The following CSMD1 variants were observed in gnomAD, a reference collection of about 807,000 sequenced individuals.
The protein encoded by CSMD1 is CUB and sushi domain-containing protein 1.
In CSMD1, 213 loss-of-function variants were observed where a neutral mutation model predicts 417.5. The observed-to-expected ratio is 0.51, with a 90% CI of 0.46 to 0.57. The LOEUF is 0.57. CSMD1 is among the 20% of genes least tolerant of loss of function. The pLI is 0.00. For missense variants in CSMD1, 6,923 were observed against 4,529.7 expected, an observed-to-expected ratio of 1.53 and a Z score of -15.17; for synonymous variants, 2,862 against 1,736.8, an observed-to-expected ratio of 1.65 and a Z score of -16.11.
chr8:4,902,981 A>ATAG (rs1299139127), intron 1 of CSMD1, among the ~76,000 whole-genome samples: 3 of 147,018 alleles, frequency 2.0e-5, no homozygotes, highest in Non-Finnish European at 3.0e-5. Flanking sequence ...AAACTAAATA[A>ATAG]TAATAAATAA....
intron 26 of CSMD1, among the ~76,000 whole-genome samples, chr8:3,260,116 C>G (rs1220844520): frequency 6.6e-6 from 1 of 152,144 alleles, no homozygotes; most frequent in East Asian, 1.9e-4. Context: ...ATGTATATGG[C>G]ATTTCCCTTA....
chr8:3,959,684 G>T (rs1274605205), intron 5 of CSMD1, among the ~76,000 whole-genome samples: 2 of 152,156 alleles, frequency 1.3e-5, no homozygotes, highest in Non-Finnish European at 2.9e-5. Context: ...AGTACAGCAG[G>T]TAAGTTTCTT....
intron 2 of CSMD1, among the ~76,000 whole-genome samples, chr8:4,574,678 C>A (rs182359696): frequency 6.6e-6 from 1 of 152,194 alleles, no homozygotes. Flanking sequence ...GCTATACGCT[C>A]TCTTCCAGAT....
intron 3 of CSMD1, among the ~76,000 whole-genome samples, chr8:4,363,697 C>G (rs989201318): frequency 6.6e-6 from 1 of 152,176 alleles, no homozygotes; most frequent in African/African-American, 2.4e-5. Flanking sequence ...CTGGTTATTT[C>G]ACTTAACAAA....
chr8:3,190,224 A>T (rs943965480), intron 33 of CSMD1, 109 bp from the exon 34 acceptor site: 28 of 769,788 alleles, frequency 3.6e-5, no homozygotes, highest in Admixed American at 9.9e-5. Flanking sequence ...GCAGACAGAG[A>T]ATTTAATAAC....
intron 2 of CSMD1, among the ~76,000 whole-genome samples, chr8:4,454,245 G>A (rs980478025): frequency 3.9e-5 from 6 of 152,070 alleles, no homozygotes; most frequent in Non-Finnish European, 5.9e-5. Context: ...CCTCCTTACA[G>A]TGCTTACCGC....
At chr8:4,477,929 G>C (rs926175069) in intron 2 of CSMD1, among the ~76,000 whole-genome samples, 9 of 152,036 alleles carry the variant, frequency 5.9e-5, no homozygotes, top group African/African-American at 1.9e-4. Flanking sequence ...TTTTTGCCTG[G>C]CGCATGATAG....
intron 2 of CSMD1, among the ~76,000 whole-genome samples, chr8:4,446,696 G>A (rs192743873): frequency 6.0e-5 from 9 of 150,238 alleles, no homozygotes; most frequent in East Asian, 5.8e-4. Flanking sequence ...GCGATTACTC[G>A]TGCCCACCAC....
At chr8:3,478,406 C>G (rs567259219) in intron 11 of CSMD1, among the ~76,000 whole-genome samples, 3 of 152,302 alleles carry the variant, frequency 2.0e-5, no homozygotes, top group African/African-American at 7.2e-5. Flanking sequence ...ATATGGACTG[C>G]CAGTCCTCAT....
chr8:3,963,830 T>C lies in CSMD1; in HGVS notation c.818+34073A>G, dbSNP rs568567903. 3.6e-4 allele frequency among the ~76,000 whole-genome samples: 55 copies of C among 152,238 alleles called. No individual in the cohort carries two copies. In the South Asian group the frequency reaches 0.011, roughly 30 times the overall value. On this transcript the variant is annotated intron_variant, in intron 5 of 69. Coordinates refer to ENST00000635120, the MANE Select transcript of CSMD1 (RefSeq NM_033225.6). ...TTTGAAATAAAATCAACATCAAATG[T>C]AAATATAATCTTAAAACCGCAGTTT...
chr8:3,705,991 C>T (rs1418589702), intron 7 of CSMD1, among the ~76,000 whole-genome samples: 2 of 152,230 alleles, frequency 1.3e-5, no homozygotes, highest in Non-Finnish European at 2.9e-5. Context: ...TACTCAGTCT[C>T]CTACAGATGG....
intron 1 of CSMD1, among the ~76,000 whole-genome samples, chr8:4,824,939 T>G (rs1035131212): frequency 6.6e-6 from 1 of 152,098 alleles, no homozygotes; most frequent in Non-Finnish European, 1.5e-5. Context: ...CCAAGACATT[T>G]CTCGGGAATC....
chr8:3,865,791 A>T (rs1277602204), intron 5 of CSMD1, among the ~76,000 whole-genome samples: 1 of 152,196 alleles, frequency 6.6e-6, no homozygotes, highest in Non-Finnish European at 1.5e-5. Flanking sequence ...CTCTAAAATA[A>T]GTGCCTCTTT....
intron 3 of CSMD1, among the ~76,000 whole-genome samples, chr8:4,216,505 A>C (rs1230032886): frequency 6.6e-6 from 1 of 152,192 alleles, no homozygotes; most frequent in Non-Finnish European, 1.5e-5. Context: ...ATTAGTGCTT[A>C]TTCAGTACCC....
chr8:3,947,925 G>C (rs1244802412), intron 5 of CSMD1, among the ~76,000 whole-genome samples: 1 of 152,138 alleles, frequency 6.6e-6, no homozygotes, highest in East Asian at 1.9e-4. Flanking sequence ...CCAATGGTAG[G>C]CTGGGGGTGG....
intron 10 of CSMD1, among the ~76,000 whole-genome samples, chr8:3,501,218 G>A (rs973824918): frequency 6.6e-6 from 1 of 151,980 alleles, no homozygotes; most frequent in African/African-American, 2.4e-5. Flanking sequence ...TATGATCTTT[G>A]CCTCTGTGCA....
intron 2 of CSMD1, among the ~76,000 whole-genome samples, chr8:4,577,069 T>C (rs1799171726): frequency 6.6e-6 from 1 of 152,226 alleles, no homozygotes; most frequent in Admixed American, 6.5e-5. Flanking sequence ...AGGCCAAAAA[T>C]GATTATATGA....
chr8:3,222,698 C>T (rs1585702138), intron 28 of CSMD1, among the ~76,000 whole-genome samples: 3 of 152,198 alleles, frequency 2.0e-5, no homozygotes, highest in East Asian at 3.9e-4. Flanking sequence ...TTAACAAAAC[C>T]CACATAGATA....
At chr8:4,812,419 C>T (rs79354837) in intron 1 of CSMD1, among the ~76,000 whole-genome samples, 3 of 152,050 alleles carry the variant, frequency 2.0e-5, no homozygotes, top group Admixed American at 2.0e-4. Flanking sequence ...GTGACTTTGT[C>T]AATTTCTAAG....
Sources: allele counts gnomAD v4.1 joint callset (sites outside exome capture counted in the v4.1 genomes callset), GRCh38; gene constraint gnomAD v4.1.1; transcripts MANE v1.5; gene names NCBI Gene and HGNC (gene_info 2026-07-23, HGNC 2026-07-21).